CCDC148: variants seen among roughly 807,000 people sequenced by gnomAD.
CCDC148 encodes coiled-coil domain-containing protein 148.
A neutral mutation model predicts 85.7 loss-of-function variants in CCDC148; 89 were observed. The observed-to-expected ratio is 1.04, with a 90% CI of 0.87 to 1.24. CCDC148 has a LOEUF of 1.24. CCDC148 is among the 50% of genes most tolerant of loss of function. The probability of loss-of-function intolerance (pLI) is 0.00; values close to 1 mark genes in which losing one functional copy is unlikely to be tolerated. For missense variants in CCDC148, 692 were observed against 671.7 expected, an observed-to-expected ratio of 1.03 and a Z score of -0.33; for synonymous variants, 230 against 213.9, an observed-to-expected ratio of 1.08 and a Z score of -0.66.
chr2:158,270,974 T>C (rs529624952), intron 9 of CCDC148, among the ~76,000 whole-genome samples: 11 of 152,130 alleles, frequency 7.2e-5, no homozygotes, highest in Non-Finnish European at 1.2e-4. Flanking sequence ...CTGAGACAAA[T>C]GGAAAATCTA....
chr2:158,402,307 C>T (rs544470549), intron 1 of CCDC148, among the ~76,000 whole-genome samples: 7 of 152,064 alleles, frequency 4.6e-5, no homozygotes, highest in Admixed American at 4.6e-4. Context: ...AATTTCACAT[C>T]ATTCACCACA....
chr2:158,213,951 T>C (rs1013518439), intron 11 of CCDC148, among the ~76,000 whole-genome samples: 1 of 151,826 alleles, frequency 6.6e-6, no homozygotes, highest in Non-Finnish European at 1.5e-5. Flanking sequence ...AACTACTGCA[T>C]GCGAAAGAGA....
chr2:158,427,346 T>C (rs1050101426), intron 1 of CCDC148, among the ~76,000 whole-genome samples: 2 of 152,188 alleles, frequency 1.3e-5, no homozygotes, highest in Non-Finnish European at 2.9e-5. Flanking sequence ...GGCCTAGTGC[T>C]GAGGACATGG....
At chr2:158,243,317 G>A (rs188121956) in intron 10 of CCDC148, among the ~76,000 whole-genome samples, 37 of 152,132 alleles carry the variant, frequency 2.4e-4, no homozygotes, top group Admixed American at 8.5e-4. Flanking sequence ...CATTTGAGTC[G>A]TTTTATCAGC....
At chr2:158,423,202 A>C (rs930000792) in intron 1 of CCDC148, among the ~76,000 whole-genome samples, 1 of 152,178 alleles carries the variant, frequency 6.6e-6, no homozygotes, top group Non-Finnish European at 1.5e-5. Flanking sequence ...GCTACCAATG[A>C]CTTTCTTCAC....
At chr2:158,192,390 A>G (rs1336478334) in intron 11 of CCDC148, among the ~76,000 whole-genome samples, 2 of 152,052 alleles carry the variant, frequency 1.3e-5, no homozygotes, top group Non-Finnish European at 2.9e-5. Context: ...GATTATAATT[A>G]AATCTAAAAC....
intron 1 of CCDC148, 104 bp downstream of exon 1, chr2:158,456,311 C>A: frequency 8.5e-7 from 1 of 1,170,088 alleles, no homozygotes; most frequent in South Asian, 1.3e-5. Flanking sequence ...AAGATCCACC[C>A]CAGGGAAGGG....
intron 1 of CCDC148, among the ~76,000 whole-genome samples, chr2:158,371,260 A>G (rs950686863): frequency 6.6e-6 from 1 of 152,060 alleles, no homozygotes; most frequent in African/African-American, 2.4e-5. Context: ...GGCAGACTAT[A>G]TTAAAATACA....
intron 10 of CCDC148, among the ~76,000 whole-genome samples, chr2:158,226,133 A>G (rs1490517364): frequency 6.6e-6 from 1 of 152,238 alleles, no homozygotes; most frequent in Non-Finnish European, 1.5e-5. Context: ...ATCACCACCT[A>G]TCCCACAGAA....
chr2:158,218,779 T>A (rs966417899), intron 11 of CCDC148, among the ~76,000 whole-genome samples: 1 of 152,214 alleles, frequency 6.6e-6, no homozygotes, highest in Non-Finnish European at 1.5e-5. Context: ...TAGGTCTTGG[T>A]TTGTGTTTGT....
chr2:158,436,992 A>G (rs1159370680), intron 1 of CCDC148, among the ~76,000 whole-genome samples: 1 of 152,242 alleles, frequency 6.6e-6, no homozygotes, highest in African/African-American at 2.4e-5. Context: ...TTAATAGCTT[A>G]CAAACCAAAA....
intron 10 of CCDC148, among the ~76,000 whole-genome samples, chr2:158,238,530 T>A (rs1283002385): frequency 6.6e-6 from 1 of 152,188 alleles, no homozygotes. Flanking sequence ...GTATTTTTTA[T>A]CTGTTCCATA....
At chr2:158,295,939 C>CT (rs1315089835) in intron 9 of CCDC148, among the ~76,000 whole-genome samples, 9 of 152,154 alleles carry the variant, frequency 5.9e-5, no homozygotes, top group Admixed American at 4.6e-4. Context: ...CAAATTGTCC[C>CT]TGTTTTCTTA....
chr2:158,409,067 G>T (rs1121239), intron 1 of CCDC148, among the ~76,000 whole-genome samples: 30,367 of 151,486 alleles, frequency 0.2, 3,304 homozygotes, highest in Non-Finnish European at 0.24. Context: ...TTTATATATA[G>T]AGAGAGAAAT....
At chr2:158,349,571 G>C (rs1574665931) in intron 2 of CCDC148, among the ~76,000 whole-genome samples, 1 of 151,850 alleles carries the variant, frequency 6.6e-6, no homozygotes, top group Admixed American at 6.6e-5. Flanking sequence ...TTAATTTCCA[G>C]TTATTTAATT....
At chr2:158,240,660 C>T (rs1175728050) in intron 10 of CCDC148, among the ~76,000 whole-genome samples, 3 of 151,990 alleles carry the variant, frequency 2.0e-5, no homozygotes, top group East Asian at 1.9e-4. Context: ...ATTTTCCCAC[C>T]GCCTGAAGCC....
chr2:158,436,568 T>TCA (rs1195542503), intron 1 of CCDC148, among the ~76,000 whole-genome samples: 4 of 152,014 alleles, frequency 2.6e-5, no homozygotes, highest in Non-Finnish European at 4.4e-5. Flanking sequence ...CTAAAAGAAC[T>TCA]AGTGAAGCAA....
At chr2:158,357,513 T>TC (rs1346278028) in intron 2 of CCDC148, among the ~76,000 whole-genome samples, 3 of 152,160 alleles carry the variant, frequency 2.0e-5, no homozygotes, top group Non-Finnish European at 4.4e-5. Context: ...TAAACAGAAG[T>TC]CAGGAATATG....
At chr2:158,361,902 G>C (rs183767474) in intron 1 of CCDC148, among the ~76,000 whole-genome samples, 4 of 151,290 alleles carry the variant, frequency 2.6e-5, no homozygotes, top group African/African-American at 9.7e-5. Context: ...AGACCCATCA[G>C]TGCGCTGTAT....
Sources: gnomAD v4.1 joint callset for allele counts (sites outside exome capture counted in the v4.1 genomes callset) on GRCh38, gnomAD v4.1.1 for gene constraint, MANE v1.5 for transcripts, NCBI Gene and HGNC (gene_info 2026-07-23, HGNC 2026-07-21) for gene names.